Variants in TTN observed in about 807,000 individuals in gnomAD.
TTN encodes connectin.
TTN carries 1,525 observed loss-of-function variants against 3,223.0 expected under a neutral mutation model. The ratio of observed to expected loss-of-function variants is 0.47; its 90% CI spans 0.45 to 0.49. The LOEUF (loss-of-function observed/expected upper bound fraction) is 0.49. Ranked by LOEUF, TTN falls within the 20% of genes least tolerant of loss-of-function variation. The pLI, the probability that TTN is intolerant of heterozygous loss-of-function variation, is 0.00. For synonymous variants in TTN, 14,094 were observed against 15,161.0 expected (o/e 0.93, Z 5.17); for missense variants, 40,786 against 43,424.0 (o/e 0.94, Z 5.40).
intron 132 of TTN, 78 bp downstream of exon 132, chr2:178,684,252 C>A: frequency 4.2e-6 from 6 of 1,436,770 alleles, no homozygotes; most frequent in Non-Finnish European, 4.8e-6. Flanking sequence ...ACAACAAAAA[C>A]CAGCCCCCAT....
intron 10 of TTN, among the ~76,000 whole-genome samples, chr2:178,791,681 GTGTGTGTGCA>G (rs1185230915): frequency 1.3e-5 from 2 of 151,668 alleles, no homozygotes; most frequent in African/African-American, 4.9e-5. Context: ...GTGTGTGTGT[GTGTGTGTGCA>G]TGTGTGTGTG....
chr2:178,679,129 G>A (rs2068747167), intron 142 of TTN, among the ~76,000 whole-genome samples: 1 of 151,970 alleles, frequency 6.6e-6, no homozygotes, highest in South Asian at 2.1e-4. Flanking sequence ...CCACTAAAGA[G>A]GAGGAGCCAA....
In TTN at chr2:178,560,594, G is replaced by A; in HGVS notation, c.85538C>T (p.Thr28513Ile). ...ATATTCATTGCCTTTGAGTAACTTG[G>A]TTACTTTACAGGATGTCATCTGTAA... The part of the protein sequence containing the change: ...GELQMTSCKV[T>I]KLLKGNEYIF... The change falls in exon 326 of 363, where the codon ACC becomes ATC. Residue 28513 changes from threonine to isoleucine, a missense_variant. Coordinates refer to ENST00000589042, the MANE Select transcript of TTN (RefSeq NM_001267550.2). 2 of 1,613,344 alleles carry A rather than the reference G, an allele frequency of 1.2e-6. No individual in the cohort carries two copies. The highest frequency in any genetic ancestry group is 2.2e-5 in the East Asian group (1 of 44,740).
chr2:178,664,194 C>G (rs2065425470), intron 168 of TTN, 96 bp from the exon 169 acceptor site: 1 of 1,238,336 alleles, frequency 8.1e-7, no homozygotes, highest in Non-Finnish European at 1.1e-6. Context: ...TTTTTTTCTC[C>G]TGAGCTGAGA....
At chr2:178,748,623 A>G in intron 47 of TTN, 3 of 1,612,986 alleles carry the variant, frequency 1.9e-6, no homozygotes, top group Non-Finnish European at 2.5e-6. Context: ...CCACTATCTA[A>G]TTCTTGGAAT....
At position 178,794,531 on chromosome 2, in the gene TTN, T is replaced by G; in HGVS notation, c.1266A>C (p.Lys422Asn). 6.2e-7 allele frequency: 1 copy of G among 1,614,198 alleles called. No individual in the cohort carries two copies. The highest frequency in any genetic ancestry group is 8.5e-7 in the Non-Finnish European group (1 of 1,180,004). The part of the protein sequence containing the change: ...GAKEVKQDAD[K>N]SAAVATVVAA... The stretch of plus-strand genomic sequence containing the variant: ...CAACAACAGTCGCAACAGCTGCACT[T>G]TTGTCAGCATCTTGTTTCACCTAGA... Residue 422 changes from lysine (K) to asparagine (N), a missense_variant, in exon 8 of 363, where the codon AAA (lysine) becomes AAC (asparagine). Transcript: ENST00000589042.
Position 178,611,614 on chromosome 2 carries a change from G to A in TTN, c.50615C>T (p.Ala16872Val), listed in dbSNP as rs748264576. ...TDAGRKHIAIAWKPPEKNGGS... is the reference protein window; with the variant it reads ...TDAGRKHIAIVWKPPEKNGGS... ...ACCATTTTTCTCTGGAGGCTTCCAAGCAATGGCAATGTGTTTTCTCCCAGC... is the reference window on the plus strand; with the variant it reads ...ACCATTTTTCTCTGGAGGCTTCCAAACAATGGCAATGTGTTTTCTCCCAGC... The change falls in exon 269 of 363, where the codon GCT becomes GTT. Residue 16872 changes from alanine to valine, a missense_variant. By Grantham distance (64) the Ala-to-Val change is moderately conservative (BLOSUM62 0). Transcript: ENST00000589042. 1 of 1,613,040 alleles carries A rather than the reference G, an allele frequency of 6.2e-7. No individual in the cohort carries two copies. The highest frequency in any genetic ancestry group is 1.1e-5 in the South Asian group (1 of 91,054).
chr2:178,780,210 G>A lies in TTN; in HGVS notation c.3524-5C>T. On this transcript the variant is annotated splice_polypyrimidine_tract_variant and splice_region_variant and intron_variant, in intron 21 of 362. Transcript: ENST00000589042. Reference sequence around the variant, plus strand: ...TCATCAGTAACTCATAATCAGCTAAGAGTTAAGAACATCAGTTAATTTTTA... The same window carrying A: ...TCATCAGTAACTCATAATCAGCTAAAAGTTAAGAACATCAGTTAATTTTTA... 1 of 1,611,152 alleles carries A rather than the reference G, an allele frequency of 6.2e-7. No individual in the cohort carries two copies. Among genetic ancestry groups the A allele is most frequent in the Non-Finnish European group, 8.5e-7 (1 of 1,177,530 alleles).
At position 178,713,974 on chromosome 2, in the gene TTN, C is replaced by T. The variant is rs752659193; in HGVS notation, c.26684G>A (p.Ser8895Asn). 6.8e-6 allele frequency: 11 copies of T among 1,613,538 alleles called. No homozygotes were observed. The highest frequency in any genetic ancestry group is 8.5e-6 in the Non-Finnish European group (10 of 1,179,690). Reference protein sequence around the residue: ...SGLKIINVAPSDSGVYSFEVQ... With the variant: ...SGLKIINVAPNDSGVYSFEVQ... Reference sequence around the variant, plus strand: ...CTCAAAACTGTATACCCCACTGTCACTCGGTGCTACATTGATGATCTTAAG... The same window carrying T: ...CTCAAAACTGTATACCCCACTGTCATTCGGTGCTACATTGATGATCTTAAG... The change falls in exon 92 of 363, where the codon AGT becomes AAT. Residue 8895 changes from serine to asparagine, a missense_variant. Ser to Asn is a conservative substitution (Grantham distance 46). Coordinates refer to ENST00000589042, the MANE Select transcript of TTN (RefSeq NM_001267550.2).
At chr2:178,675,631 A>G (rs935662229) in intron 149 of TTN, 40 bp downstream of exon 149, 1 of 1,358,458 alleles carries the variant, frequency 7.4e-7, no homozygotes, top group South Asian at 1.9e-5. Flanking sequence ...ACAGTTCAAC[A>G]TCGGTGCAGC....
Position 178,605,201 on chromosome 2 carries a change from G to T in TTN, c.53976C>A (p.Gly17992=). ...EPVHIPADVT[G]LPMPKIEWSK... ...ACCATTCAATCTTAGGCATTGGAAG[G>T]CCTGTCACATCTGCAGGGATGTGGA... Residue 17992 remains glycine, a synonymous_variant, in exon 280 of 363, where the codon GGC becomes GGA. Coordinates refer to ENST00000589042, the MANE Select transcript of TTN (RefSeq NM_001267550.2). The T allele has an allele frequency of 6.2e-7, 1 of 1,612,050 alleles. No homozygotes were observed. The highest frequency in any genetic ancestry group is 8.5e-7 in the Non-Finnish European group (1 of 1,179,014).
rs776237176 is a variant in TTN, at chr2:178,528,552, G to T, written c.107199C>A (p.Ile35733=). The T allele has an allele frequency of 2.1e-5, 34 of 1,609,420 alleles. No individual in the cohort carries two copies. The highest frequency in any genetic ancestry group is 2.8e-5 in the Non-Finnish European group (33 of 1,177,170). The stretch of plus-strand genomic sequence containing the variant: ...CTGGCAGGTTGTTTTTAAACCATTC[G>T]ATTTCAGGGGATGGCTCGCCACTGA... ...CEISGEPSPE[I]EWFKNNLPIS... is the part of the protein sequence containing the mutation. The change falls in exon 360 of 363, where the codon ATC becomes ATA. Residue 35733 remains isoleucine (I), a synonymous_variant. Coordinates refer to ENST00000589042, the MANE Select transcript of TTN (RefSeq NM_001267550.2).
chr2:178,551,522 A>G (rs1699432633), intron 335 of TTN, 108 bp downstream of exon 335: 1 of 1,003,290 alleles, frequency 1.0e-6, no homozygotes, highest in Non-Finnish European at 1.4e-6. Flanking sequence ...CTCTAGTGAC[A>G]AGAAGATATG....
chr2:178,751,706 A>G (rs745564446), intron 47 of TTN: 35 of 1,613,154 alleles, frequency 2.2e-5, no homozygotes, highest in Non-Finnish European at 3.0e-5. Flanking sequence ...TTTAATCTCT[A>G]AGCTGGAAGA....
intron 348 of TTN, 33 bp downstream of exon 348, chr2:178,542,629 C>T: frequency 6.2e-7 from 1 of 1,600,232 alleles, no homozygotes; most frequent in Non-Finnish European, 8.5e-7. Context: ...GACTGAACAT[C>T]AACTTGCTTG....
chr2:178,604,789 A>G lies in TTN; in HGVS notation c.54300T>C (p.Tyr18100=), dbSNP rs1253349703. ...TACTTGCATCACGTTTGTCAATAAC[A>G]TAATGGGTGATTTCACTGCCACCAT... ...LDNGGSEITH[Y]VIDKRDASRK... Residue 18100 remains tyrosine, a synonymous_variant, in exon 281 of 363, where the codon TAT becomes TAC. Coordinates refer to ENST00000589042, the MANE Select transcript of TTN (RefSeq NM_001267550.2). 1.4e-5 allele frequency: 22 copies of G among 1,612,410 alleles called. No individual in the cohort carries two copies. The highest frequency in any genetic ancestry group is 1.8e-5 in the Non-Finnish European group (21 of 1,179,046).
chr2:178,562,342 T>C lies in TTN; in HGVS notation c.83790A>G (p.Glu27930=). The C allele has an allele frequency of 6.2e-7, 1 of 1,611,542 alleles. No individual in the cohort carries two copies. The highest frequency in any genetic ancestry group is 8.5e-7 in the Non-Finnish European group (1 of 1,178,970). Residue 27930 remains glutamate, a synonymous_variant, in exon 326 of 363, where the codon GAA becomes GAG. Coordinates refer to ENST00000589042, the MANE Select transcript of TTN (RefSeq NM_001267550.2). The stretch of plus-strand genomic sequence containing the variant: ...CTGCAGCTACCCTGAAGACATACTC[T>C]TCTCCTGCAGTTAAGCCAGATATAG... ...EATISGLTAG[E]EYVFRVAAVN...
Position 178,649,587 on chromosome 2 carries a change from T to G in TTN, c.39940A>C (p.Thr13314Pro). ...GCTGGTGTTTCTGGCTTCTTAACAG[T>G]TGGGACCTTCTTCACTGGAACAACT... is the stretch of plus-strand genomic sequence containing the variant. ...KKVVPVKKVPTVKKPETPAAK... is the reference protein window; with the variant it reads ...KKVVPVKKVPPVKKPETPAAK... Residue 13314 changes from threonine to proline, a missense_variant, in exon 212 of 363, where the codon ACT (threonine) becomes CCT (proline). Thr to Pro is a conservative substitution (Grantham distance 38). Coordinates refer to ENST00000589042, the MANE Select transcript of TTN (RefSeq NM_001267550.2). 6.5e-7 allele frequency: 1 copy of G among 1,550,100 alleles called. No individual in the cohort carries two copies. The highest frequency in any genetic ancestry group is 8.7e-7 in the Non-Finnish European group (1 of 1,146,620).
intron 238 of TTN, 115 bp from the exon 239 acceptor site, chr2:178,630,482 ATAT>A: frequency 7.6e-7 from 1 of 1,323,388 alleles, no homozygotes; most frequent in Non-Finnish European, 1.0e-6. Context: ...ATGAAACTTT[ATAT>A]AACTTTGAGC....
Sources: gnomAD v4.1 joint callset for allele counts (sites outside exome capture counted in the v4.1 genomes callset) on GRCh38, gnomAD v4.1.1 for gene constraint, MANE v1.5 for transcripts, NCBI Gene and HGNC (gene_info 2026-07-23, HGNC 2026-07-21) for gene names.